The following MYLK variants were observed in gnomAD, a reference collection of about 807,000 sequenced individuals.
The protein encoded by MYLK is myosin light chain kinase.
In MYLK, 106 loss-of-function variants were observed where a neutral mutation model predicts 203.4. The observed-to-expected ratio is 0.52, with a 90% CI of 0.45 to 0.61. The LOEUF is 0.61. MYLK is among the 20% of genes least tolerant of loss of function. The probability of loss-of-function intolerance (pLI) is 0.00; values close to 1 mark genes in which losing one functional copy is unlikely to be tolerated. For synonymous variants in MYLK, 867 were observed against 959.5 expected (o/e 0.90, Z 1.78); for missense variants, 2,072 against 2,442.3 (o/e 0.85, Z 3.20).
chr3:123,629,372 G>A lies in MYLK; in HGVS notation c.5114+102C>T, dbSNP rs1329284419. On this transcript the variant is annotated intron_variant, in intron 30 of 33. Coordinates refer to ENST00000360304, the MANE Select transcript of MYLK (RefSeq NM_053025.4). This position sits in a 1 kb window ranked among gnomAD's most constrained non-coding sequence, Gnocchi z 4.4. The stretch of plus-strand genomic sequence containing the variant: ...GGGAATGCTAGGAACGACCCAAGGC[G>A]GGGTGGCAAGGAGGGCACCCCAACA... 1.6e-5 allele frequency: 22 copies of A among 1,417,110 alleles called. No homozygotes were observed. The highest frequency in any genetic ancestry group is 1.9e-5 in the Non-Finnish European group (19 of 1,016,972). 87.8% of individuals were successfully genotyped at this position (1,417,110 alleles called of 1,614,324 possible).
At chr3:123,873,429 T>G (rs1342598654) in intron 2 of MYLK, among the ~76,000 whole-genome samples, 10 of 152,052 alleles carry the variant, frequency 6.6e-5, no homozygotes, top group Non-Finnish European at 1.5e-4. Context: ...AACATTATAC[T>G]GGAAATCTTA....
chr3:123,726,136 T>G, intron 11 of MYLK, 58 bp from the exon 12 acceptor site: 1 of 1,607,684 alleles, frequency 6.2e-7, no homozygotes, highest in Non-Finnish European at 8.5e-7. Context: ...TGGTGATGCC[T>G]GCAGTCACCC....
At chr3:123,750,443 C>T (rs1247833956) in intron 5 of MYLK, among the ~76,000 whole-genome samples, 1 of 152,068 alleles carries the variant, frequency 6.6e-6, no homozygotes, top group East Asian at 1.9e-4. Context: ...GATCTCACTT[C>T]CTGAACAGTA....
intron 2 of MYLK, among the ~76,000 whole-genome samples, chr3:123,860,196 C>T (rs1439014994): frequency 6.6e-6 from 1 of 152,204 alleles, no homozygotes; most frequent in South Asian, 2.1e-4. Context: ...GCAGTGCTCA[C>T]GCCCTGGCAG....
intron 20 of MYLK, chr3:123,681,793 TTTGCAGGCTC>T (rs1316917453): frequency 4.1e-6 from 1 of 240,996 alleles, no homozygotes; most frequent in East Asian, 9.3e-5. Flanking sequence ...GCTTGTGGGT[TTTGCAGGCTC>T]TGGGGGCCAC....
chr3:123,775,914 T>C (rs1231259130), intron 4 of MYLK, among the ~76,000 whole-genome samples: 1 of 152,186 alleles, frequency 6.6e-6, no homozygotes, highest in Non-Finnish European at 1.5e-5. Flanking sequence ...GGCATCATGG[T>C]AGGCACTGAG....
chr3:123,782,598 C>T (rs2109039863), intron 4 of MYLK, among the ~76,000 whole-genome samples: 1 of 152,288 alleles, frequency 6.6e-6, no homozygotes, highest in East Asian at 1.9e-4. Flanking sequence ...TCGCTCATGC[C>T]TGTGTAGATC....
intron 8 of MYLK, among the ~76,000 whole-genome samples, chr3:123,736,430 TC>T (rs1257453205): frequency 6.6e-6 from 1 of 152,008 alleles, no homozygotes; most frequent in Non-Finnish European, 1.5e-5. Context: ...CCACTTCCCT[TC>T]CTGACCCCCG....
intron 16 of MYLK, among the ~76,000 whole-genome samples, chr3:123,703,590 G>A (rs762493786): frequency 6.3e-4 from 96 of 152,320 alleles, no homozygotes; most frequent in Non-Finnish European, 1.1e-3. Context: ...CCTCATGGGT[G>A]CCAGGCCCTG....
chr3:123,821,017 C>T (rs895485825), intron 3 of MYLK, among the ~76,000 whole-genome samples: 4 of 152,284 alleles, frequency 2.6e-5, no homozygotes, highest in Middle Eastern at 3.4e-3. Flanking sequence ...GCGTGAGCCA[C>T]CACGCCCGGC....
At chr3:123,645,099 C>G (rs1346182321) in intron 27 of MYLK, among the ~76,000 whole-genome samples, 2 of 151,908 alleles carry the variant, frequency 1.3e-5, no homozygotes, top group Non-Finnish European at 2.9e-5. Flanking sequence ...CAAAAAAAGT[C>G]AATGTATCAT....
intron 3 of MYLK, among the ~76,000 whole-genome samples, chr3:123,810,390 G>A (rs527686734): frequency 6.6e-6 from 1 of 152,316 alleles, no homozygotes; most frequent in East Asian, 1.9e-4. Flanking sequence ...TGAGCCATGG[G>A]TGAGCAGGGT....
At chr3:123,725,865 C>T (rs991630768) in intron 12 of MYLK, 79 bp downstream of exon 12, 5 of 1,564,784 alleles carry the variant, frequency 3.2e-6, no homozygotes, top group South Asian at 2.4e-5. Context: ...ATAAATGGCT[C>T]AGAGGGATAA....
At position 123,614,045 on chromosome 3, in the gene MYLK, G is replaced by A; in HGVS notation, c.*60C>T. The A allele has an allele frequency of 1.2e-6, 1 of 806,466 alleles. No individual in the cohort carries two copies. 50.0% of individuals were successfully genotyped at this position (806,466 alleles called of 1,614,324 possible). ...TATCTTGAGTTTTTTTTTTTTTTTT[G>A]AGTTTTAGAGAAATAGTCCTTTTAA... On this transcript the variant is annotated 3_prime_UTR_variant, in exon 34 of 34. Transcript: ENST00000360304.
chr3:123,641,132 C>A lies in MYLK; in HGVS notation c.4620-628G>T, dbSNP rs574106383. On this transcript the variant is annotated intron_variant, in intron 27 of 33. Coordinates refer to ENST00000360304, the MANE Select transcript of MYLK (RefSeq NM_053025.4). ...GGTCTCCCTTGGACCCCTTCCTTAC[C>A]CCAGCTGTGTAATCCTTTCTAACTG... Among the ~76,000 whole-genome samples the A allele has an allele frequency of 1.2e-4, 18 of 152,312 alleles. No individual in the cohort carries two copies. In the East Asian group the frequency reaches 3.1e-3, roughly 26 times the overall value.
chr3:123,625,461 T>G (rs1196656163), intron 31 of MYLK: 1 of 131,392 alleles, frequency 7.6e-6, no homozygotes, highest in African/African-American at 2.9e-5. Flanking sequence ...GAGTGAGACT[T>G]TGTCTCGAGG....
chr3:123,852,976 A>G lies in MYLK; in HGVS notation c.-126-21306T>C, dbSNP rs76220857. On this transcript the variant is annotated intron_variant, in intron 2 of 33. Transcript: ENST00000360304. Reference sequence around the variant, plus strand: ...TCAGAGTAAAAGGAGGCCTTAAAAGAGCAAATTAAGAGTTGGGTTGTATGA... The same window carrying G: ...TCAGAGTAAAAGGAGGCCTTAAAAGGGCAAATTAAGAGTTGGGTTGTATGA... 6.6e-3 allele frequency among the ~76,000 whole-genome samples: 1,000 copies of G among 152,268 alleles called. 9 individuals are homozygous for G. Among genetic ancestry groups the G allele is most frequent in the African/African-American group, 0.02 (844 of 41,558 alleles).
At chr3:123,679,031 G>A (rs142830664) in intron 20 of MYLK, among the ~76,000 whole-genome samples, 133 of 152,268 alleles carry the variant, frequency 8.7e-4, no homozygotes, top group Middle Eastern at 3.4e-3. Flanking sequence ...ATCTTCGGCC[G>A]GGCGCGGTGG....
At chr3:123,701,340 C>A in intron 17 of MYLK, 98 bp downstream of exon 17, 1 of 1,293,878 alleles carries the variant, frequency 7.7e-7, no homozygotes, top group South Asian at 1.2e-5. Context: ...AGCTGCAGGA[C>A]ACAAACAATC....
Sources: gnomAD v4.1 joint callset for allele counts (sites outside exome capture counted in the v4.1 genomes callset) on GRCh38, gnomAD v4.1.1 for gene constraint, Gnocchi (gnomAD v3.1) non-coding constraint, MANE v1.5 for transcripts, NCBI Gene and HGNC (gene_info 2026-07-23, HGNC 2026-07-21) for gene names.